Variants in EPB41L4B observed in about 807,000 individuals in gnomAD.
EPB41L4B encodes the protein band 4.1-like protein 4B.
EPB41L4B carries 30 observed loss-of-function variants against 112.5 expected under a neutral mutation model. That is an observed-to-expected ratio of 0.27 (90% CI 0.20 to 0.36). The LOEUF is 0.36. Ranked by LOEUF, EPB41L4B falls within the 10% of genes least tolerant of loss-of-function variation. The pLI is 1.00. For missense variants in EPB41L4B, 1,024 were observed against 1,133.3 expected (o/e 0.90, Z 1.38); for synonymous variants, 408 against 439.7 (o/e 0.93, Z 0.90).
At chr9:109,268,180 T>G (rs1008311132) in intron 3 of EPB41L4B, among the ~76,000 whole-genome samples, 1 of 152,224 alleles carries the variant, frequency 6.6e-6, no homozygotes, top group African/African-American at 2.4e-5. Flanking sequence ...GAGAGCACAG[T>G]TGGTTTTTCA....
At chr9:109,231,299 A>C (rs769622759) in intron 15 of EPB41L4B, among the ~76,000 whole-genome samples, 1 of 152,180 alleles carries the variant, frequency 6.6e-6, no homozygotes, top group Admixed American at 6.5e-5. Context: ...TTCTGATGCT[A>C]GCACAGTTGA....
At chr9:109,235,390 CTTTTTTTTTTTT>C (rs758330838) in intron 15 of EPB41L4B, among the ~76,000 whole-genome samples, 2 of 87,252 alleles carry the variant, frequency 2.3e-5, no homozygotes, top group African/African-American at 4.6e-5. Context: ...TTCAGCTAGA[CTTTTTTTTTTTT>C]TTTTTTTTTT....
At chr9:109,209,525 G>A (rs1204694745) in intron 17 of EPB41L4B, among the ~76,000 whole-genome samples, 2 of 151,348 alleles carry the variant, frequency 1.3e-5, no homozygotes, top group Non-Finnish European at 2.9e-5. Flanking sequence ...AGAGGGCGTG[G>A]TGGCCCTCAC....
chr9:109,288,609 G>A (rs1588212657), intron 1 of EPB41L4B, among the ~76,000 whole-genome samples: 1 of 150,920 alleles, frequency 6.6e-6, no homozygotes, highest in Middle Eastern at 3.4e-3. Context: ...TGTAGTCCCA[G>A]CTACTCGGGA....
At chr9:109,231,170 A>C (rs1333991952) in intron 15 of EPB41L4B, among the ~76,000 whole-genome samples, 3 of 152,014 alleles carry the variant, frequency 2.0e-5, no homozygotes, top group Non-Finnish European at 4.4e-5. Context: ...AAAAAAAAAA[A>C]AAAAGGTCAA....
intron 16 of EPB41L4B, among the ~76,000 whole-genome samples, chr9:109,215,690 T>C (rs1221770769): frequency 6.6e-6 from 1 of 152,168 alleles, no homozygotes; most frequent in Non-Finnish European, 1.5e-5. Flanking sequence ...AAACAACAGG[T>C]TCTTTTCATA....
Position 109,194,194 on chromosome 9 carries a change from C to T in EPB41L4B, c.2223+26G>A, listed in dbSNP as rs370008049. On this transcript the variant is annotated intron_variant, in intron 21 of 25. Transcript: ENST00000374566. ...TGAATTCCCAGCAAGTGTGGCTGCTCGCCAGGGCTTTCCACCCCCCAATAC... is the reference window on the plus strand; with the variant it reads ...TGAATTCCCAGCAAGTGTGGCTGCTTGCCAGGGCTTTCCACCCCCCAATAC... 73 of 1,603,672 alleles carry T rather than the reference C, an allele frequency of 4.6e-5. No homozygotes were observed. In the East Asian group the frequency reaches 6.0e-4, roughly 13 times the overall value.
rs537283753 is a variant in EPB41L4B at position 109,261,241 on chromosome 9, T to G, written c.631+1809A>C. On this transcript the variant is annotated intron_variant, in intron 6 of 25. Coordinates refer to ENST00000374566, the MANE Select transcript of EPB41L4B (RefSeq NM_019114.5). ...CACTGAGCACTGTATTTGGCACAGA[T>G]GGCTATAGATGACATTACCATCAAC... Among the ~76,000 whole-genome samples the G allele has an allele frequency of 6.3e-4, 95 of 151,988 alleles. 1 individual carries two copies. Among genetic ancestry groups the G allele is most frequent in the African/African-American group, 2.2e-3 (93 of 41,410 alleles).
Position 109,203,860 on chromosome 9 carries a change from C to A in EPB41L4B, c.1879-130G>T, listed in dbSNP as rs1050872501. On this transcript the variant is annotated intron_variant, in intron 18 of 25. Coordinates refer to ENST00000374566, the MANE Select transcript of EPB41L4B (RefSeq NM_019114.5). ...CCAAAGAGGTAGTTCACCAAGTACTCAATCAATAGAGAATCTTGCACTGGT... is the reference window on the plus strand; with the variant it reads ...CCAAAGAGGTAGTTCACCAAGTACTAAATCAATAGAGAATCTTGCACTGGT... The A allele has an allele frequency of 9.9e-6, 7 of 706,438 alleles. No homozygotes were observed. The African/African-American group carries it at 1.2e-4, about 13-fold the overall frequency. The allele number at this position is 706,438 out of a possible 1,614,324, so 43.8% of individuals were successfully genotyped here.
chr9:109,264,440 C>T (rs1041323940), intron 5 of EPB41L4B, among the ~76,000 whole-genome samples: 4 of 152,120 alleles, frequency 2.6e-5, no homozygotes, highest in Admixed American at 1.3e-4. Flanking sequence ...AGACTGCATG[C>T]GAAATCAACC....
intron 24 of EPB41L4B, among the ~76,000 whole-genome samples, chr9:109,176,982 T>C (rs1360678531): frequency 1.3e-5 from 2 of 152,226 alleles, no homozygotes; most frequent in African/African-American, 4.8e-5. Flanking sequence ...AAGAAACATG[T>C]AGCCATTTAA....
rs375645414 is a variant in EPB41L4B at position 109,176,525 on chromosome 9, T to C, written c.2633+26A>G. On this transcript the variant is annotated intron_variant, in intron 25 of 25. Transcript: ENST00000374566. ...TGGTTTCCCTGTCACCAGAATTACC[T>C]GTCGGAACCTGCTGACCTGACCTAC... 55 of 1,573,186 alleles carry C rather than the reference T, an allele frequency of 3.5e-5. No individual in the cohort carries two copies. In the African/African-American group the frequency reaches 7.2e-4, roughly 21 times the overall value.
chr9:109,179,946 G>T (rs1477395398), intron 24 of EPB41L4B, among the ~76,000 whole-genome samples: 2 of 152,090 alleles, frequency 1.3e-5, no homozygotes, highest in African/African-American at 2.4e-5. Context: ...CCTTCCAAGT[G>T]CATCTGCCCT....
intron 20 of EPB41L4B, among the ~76,000 whole-genome samples, chr9:109,194,773 G>T (rs1159076479): frequency 6.6e-6 from 1 of 152,094 alleles, no homozygotes; most frequent in African/African-American, 2.4e-5. Flanking sequence ...ACTCTGTATT[G>T]ATATTGAACG....
chr9:109,312,357 C>T (rs748919601), intron 1 of EPB41L4B, among the ~76,000 whole-genome samples: 1 of 152,068 alleles, frequency 6.6e-6, no homozygotes, highest in Non-Finnish European at 1.5e-5. Flanking sequence ...TGAATTATGG[C>T]CATCAAACCA....
At chr9:109,288,001 C>T (rs185527108) in intron 1 of EPB41L4B, among the ~76,000 whole-genome samples, 3 of 152,334 alleles carry the variant, frequency 2.0e-5, no homozygotes, top group Middle Eastern at 3.4e-3. Context: ...AGCAACAGGC[C>T]CCTAAGTGGT....
chr9:109,249,493 T>C (rs1834698997), intron 13 of EPB41L4B, among the ~76,000 whole-genome samples: 1 of 152,094 alleles, frequency 6.6e-6, no homozygotes, highest in Non-Finnish European at 1.5e-5. Context: ...CAGGGCTTTT[T>C]TTTTTGGGCA....
chr9:109,213,043 A>T (rs1833239373), intron 17 of EPB41L4B, among the ~76,000 whole-genome samples: 1 of 152,168 alleles, frequency 6.6e-6, no homozygotes, highest in South Asian at 2.1e-4. Context: ...GGGCCGTGTG[A>T]CCTTGAGAAA....
intron 1 of EPB41L4B, among the ~76,000 whole-genome samples, chr9:109,292,494 A>G (rs1161818066): frequency 2.6e-5 from 4 of 152,190 alleles, no homozygotes; most frequent in South Asian, 2.1e-4. Context: ...CACTTGCCCA[A>G]TTGAGTCCAT....
Sources: allele counts gnomAD v4.1 joint callset (sites outside exome capture counted in the v4.1 genomes callset), GRCh38; gene constraint gnomAD v4.1.1; transcripts MANE v1.5; gene names NCBI Gene and HGNC (gene_info 2026-07-23, HGNC 2026-07-21).